The following FHIT variants were observed in gnomAD, a reference collection of about 807,000 sequenced individuals.
The protein encoded by FHIT is bis(5'-adenosyl)-triphosphatase.
A neutral mutation model predicts 17.9 loss-of-function variants in FHIT; 19 were observed. The observed-to-expected ratio is 1.06, with a 90% CI of 0.74 to 1.56. The LOEUF (loss-of-function observed/expected upper bound fraction) is 1.56, where lower values mean the gene tolerates loss of function less well. Ranked by LOEUF, FHIT falls within the 40% of genes most tolerant of loss-of-function variation. The pLI is 0.00. For missense variants in FHIT, 248 were observed against 189.2 expected, an observed-to-expected ratio of 1.31 and a Z score of -1.82; for synonymous variants, 81 against 69.7, an observed-to-expected ratio of 1.16 and a Z score of -0.81.
At chr3:60,689,532 C>A (rs2040939541) in intron 4 of FHIT, among the ~76,000 whole-genome samples, 1 of 152,100 alleles carries the variant, frequency 6.6e-6, no homozygotes, top group Non-Finnish European at 1.5e-5. Flanking sequence ...TATCTGGAAG[C>A]AATCCTTCAC....
intron 5 of FHIT, among the ~76,000 whole-genome samples, chr3:60,129,567 T>C (rs1177852438): frequency 6.6e-6 from 1 of 152,194 alleles, no homozygotes; most frequent in Non-Finnish European, 1.5e-5. Flanking sequence ...CAAAGCTGTA[T>C]CAAACTCCTT....
chr3:60,216,584 A>T (rs1047982983), intron 5 of FHIT, among the ~76,000 whole-genome samples: 1 of 152,142 alleles, frequency 6.6e-6, no homozygotes, highest in African/African-American at 2.4e-5. Flanking sequence ...TGTCTACCTA[A>T]TACTGAGCTG....
chr3:60,245,423 C>A (rs1040024390), intron 5 of FHIT, among the ~76,000 whole-genome samples: 3 of 151,890 alleles, frequency 2.0e-5, no homozygotes. Flanking sequence ...CTTCAGGGTT[C>A]AATATTCAAA....
intron 5 of FHIT, among the ~76,000 whole-genome samples, chr3:60,077,923 C>T (rs1003021162): frequency 1.5e-4 from 23 of 151,896 alleles, no homozygotes; most frequent in African/African-American, 5.3e-4. Flanking sequence ...ATGTAGTAAC[C>T]ATCTTATTGT....
At chr3:60,231,434 C>T (rs1040382301) in intron 5 of FHIT, among the ~76,000 whole-genome samples, 2 of 152,146 alleles carry the variant, frequency 1.3e-5, no homozygotes, top group East Asian at 1.9e-4. Context: ...GTCTACCTGC[C>T]GCAGCCTTCC....
At chr3:60,003,559 A>G (rs529063043) in intron 7 of FHIT, among the ~76,000 whole-genome samples, 2 of 152,250 alleles carry the variant, frequency 1.3e-5, no homozygotes, top group African/African-American at 4.8e-5. Flanking sequence ...AGCCTGGCCA[A>G]CATGATGAAA....
At chr3:60,131,506 T>G (rs551965002) in intron 5 of FHIT, among the ~76,000 whole-genome samples, 1 of 152,264 alleles carries the variant, frequency 6.6e-6, no homozygotes, top group African/African-American at 2.4e-5. Context: ...CATTATATTA[T>G]CAGCTTGTCA....
At chr3:60,431,780 C>G (rs141266349) in intron 5 of FHIT, among the ~76,000 whole-genome samples, 1 of 152,042 alleles carries the variant, frequency 6.6e-6, no homozygotes, top group Non-Finnish European at 1.5e-5. Flanking sequence ...TGAGCACTTA[C>G]AGACTCTCTC....
At chr3:60,665,612 T>A (rs2040363144) in intron 4 of FHIT, among the ~76,000 whole-genome samples, 1 of 152,084 alleles carries the variant, frequency 6.6e-6, no homozygotes, top group South Asian at 2.1e-4. Flanking sequence ...TAAAAATTAA[T>A]ATTTGTATGA....
At chr3:60,992,333 TATC>T (rs2030306957) in intron 3 of FHIT, among the ~76,000 whole-genome samples, 1 of 152,198 alleles carries the variant, frequency 6.6e-6, no homozygotes, top group Non-Finnish European at 1.5e-5. Flanking sequence ...TATGTAAAAA[TATC>T]ATCAAACCAT....
intron 4 of FHIT, among the ~76,000 whole-genome samples, chr3:60,550,182 G>A (rs575372454): frequency 3.9e-5 from 6 of 152,282 alleles, no homozygotes; most frequent in African/African-American, 7.2e-5. Context: ...ATCTGGCCCC[G>A]CTCTGAAACA....
At chr3:60,886,361 A>G (rs1479751840) in intron 3 of FHIT, among the ~76,000 whole-genome samples, 1 of 152,234 alleles carries the variant, frequency 6.6e-6, no homozygotes, top group Non-Finnish European at 1.5e-5. Context: ...AAGAACTTGA[A>G]AAACTATTAT....
intron 5 of FHIT, among the ~76,000 whole-genome samples, chr3:60,084,845 AC>A (rs1391713154): frequency 1.3e-5 from 2 of 151,938 alleles, no homozygotes; most frequent in African/African-American, 4.8e-5. Flanking sequence ...ATTGATAGTG[AC>A]TTTTTTTTTT....
At chr3:60,854,935 A>G (rs1703318353) in intron 3 of FHIT, among the ~76,000 whole-genome samples, 1 of 152,156 alleles carries the variant, frequency 6.6e-6, no homozygotes, top group South Asian at 2.1e-4. Flanking sequence ...ATTTGTGGTG[A>G]GCAGACATGG....
intron 3 of FHIT, among the ~76,000 whole-genome samples, chr3:60,848,590 C>T (rs1312119613): frequency 6.6e-6 from 1 of 152,056 alleles, no homozygotes; most frequent in East Asian, 1.9e-4. Flanking sequence ...TCAAATCCAG[C>T]CTCTGGCACT....
Position 60,350,121 on chromosome 3 carries a change from C to A in FHIT, c.103+186739G>T, listed in dbSNP as rs140048952. Among the ~76,000 whole-genome samples the A allele has an allele frequency of 6.0e-4, 92 of 152,248 alleles. 1 individual carries two copies. Among genetic ancestry groups the A allele is most frequent in the African/African-American group, 2.1e-3 (86 of 41,556 alleles). ...GATTATTACAGTACACACTCCCATA[C>A]CTACATCAGGAGTGAAAGGATCAAG... On this transcript the variant is annotated intron_variant, in intron 5 of 9. Coordinates refer to ENST00000492590, the MANE Select transcript of FHIT (RefSeq NM_002012.4).
intron 7 of FHIT, among the ~76,000 whole-genome samples, chr3:59,947,629 G>C (rs1352797317): frequency 6.6e-6 from 1 of 152,114 alleles, no homozygotes; most frequent in Admixed American, 6.5e-5. Flanking sequence ...GCACTCCTGG[G>C]GGAGTATGCT....
rs192343456 is a variant in FHIT at position 60,408,517 on chromosome 3, A to G, written c.103+128343T>C. Among the ~76,000 whole-genome samples the G allele has an allele frequency of 9.8e-5, 15 of 152,292 alleles. No homozygotes were observed. In the East Asian group the frequency reaches 1.7e-3, roughly 18 times the overall value. On this transcript the variant is annotated intron_variant, in intron 5 of 9. Coordinates refer to ENST00000492590, the MANE Select transcript of FHIT (RefSeq NM_002012.4). ...GAGATTTGAGGGTCTTTACTGATCA[A>G]TGATAGAGGATGAGGAAAAAGAAGA...
chr3:59,788,112 T>C (rs1699391053), intron 8 of FHIT, among the ~76,000 whole-genome samples: 1 of 152,196 alleles, frequency 6.6e-6, no homozygotes, highest in Non-Finnish European at 1.5e-5. Flanking sequence ...ACACAATGTG[T>C]AAGGACCCTT....
Sources: gnomAD v4.1 joint callset for allele counts (sites outside exome capture counted in the v4.1 genomes callset) on GRCh38, gnomAD v4.1.1 for gene constraint, MANE v1.5 for transcripts, NCBI Gene and HGNC (gene_info 2026-07-23, HGNC 2026-07-21) for gene names.